Variants in MARCHF8 observed in about 807,000 individuals in gnomAD.
MARCHF8 encodes E3 ubiquitin-protein ligase MARCHF8.
MARCHF8 carries 40 observed loss-of-function variants against 51.6 expected under a neutral mutation model. That is an observed-to-expected ratio of 0.77 (90% confidence interval 0.60 to 1.01). The LOEUF (loss-of-function observed/expected upper bound fraction) is 1.01. Ranked by LOEUF, MARCHF8 falls within the 50% of genes least tolerant of loss-of-function variation. MARCHF8 has a pLI of 0.00. For missense variants in MARCHF8, 685 were observed against 708.6 expected, an observed-to-expected ratio of 0.97 and a Z score of 0.38; for synonymous variants, 263 against 280.3, an observed-to-expected ratio of 0.94 and a Z score of 0.62.
intron 7 of MARCHF8, among the ~76,000 whole-genome samples, chr10:45,458,832 A>T (rs964633374): frequency 6.6e-6 from 1 of 152,156 alleles, no homozygotes; most frequent in African/African-American, 2.4e-5. Context: ...AACTCATCCA[A>T]TGTTGCTCAG....
chr10:45,559,903 T>C (rs778490769), intron 1 of MARCHF8, among the ~76,000 whole-genome samples: 61 of 152,274 alleles, frequency 4.0e-4, no homozygotes, highest in Non-Finnish European at 7.8e-4. Flanking sequence ...ACCTTGTAAG[T>C]ATACACACTA....
intron 1 of MARCHF8, among the ~76,000 whole-genome samples, chr10:45,569,796 T>G (rs962343525): frequency 1.3e-5 from 2 of 152,210 alleles, no homozygotes; most frequent in African/African-American, 4.8e-5. Flanking sequence ...ATAATGAGGA[T>G]CAATTGTGTA....
intron 1 of MARCHF8, among the ~76,000 whole-genome samples, chr10:45,587,415 G>C (rs919903254): frequency 5.3e-5 from 8 of 152,030 alleles, no homozygotes; most frequent in African/African-American, 1.4e-4. Context: ...TAAAAAACAT[G>C]TTGCAAGAAA....
rs1480022907 is a variant in MARCHF8, at chr10:45,458,217, G to A, written c.*22C>T. 1.9e-6 allele frequency: 3 copies of A among 1,585,776 alleles called. No homozygotes were observed. In the East Asian group the frequency reaches 6.7e-5, roughly 36 times the overall value. ...CCTTCAGCTCTTCATGGATGTCCAG[G>A]AAAATGACAACCCGCACACAATCAG... On this transcript the variant is annotated 3_prime_UTR_variant, in exon 8 of 8. Coordinates refer to ENST00000453424, the MANE Select transcript of MARCHF8 (RefSeq NM_001282866.2).
intron 1 of MARCHF8, among the ~76,000 whole-genome samples, chr10:45,593,236 T>C (rs1188904497): frequency 1.3e-5 from 2 of 150,230 alleles, no homozygotes; most frequent in African/African-American, 5.0e-5. Flanking sequence ...GGTTTCCCTC[T>C]TGTAACATTA....
intron 1 of MARCHF8, among the ~76,000 whole-genome samples, chr10:45,562,506 C>T (rs748759402): frequency 1.8e-4 from 28 of 152,280 alleles, no homozygotes; most frequent in Non-Finnish European, 3.4e-4. Flanking sequence ...ATCAAGGAAA[C>T]TTGTCAACTG....
intron 3 of MARCHF8, among the ~76,000 whole-genome samples, chr10:45,476,799 G>A (rs71494787): frequency 0.062 from 9,435 of 151,812 alleles, 330 homozygotes; most frequent in Non-Finnish European, 0.067. Flanking sequence ...AAATAATCCA[G>A]TAAGACAAAA....
At chr10:45,573,769 TAATC>T (rs1724912621) in intron 1 of MARCHF8, among the ~76,000 whole-genome samples, 1 of 152,184 alleles carries the variant, frequency 6.6e-6, no homozygotes, top group African/African-American at 2.4e-5. Context: ...ATCCCCTTCT[TAATC>T]AATACAGAGG....
chr10:45,469,675 C>T (rs951354723), intron 3 of MARCHF8, among the ~76,000 whole-genome samples: 1 of 151,810 alleles, frequency 6.6e-6, no homozygotes, highest in Non-Finnish European at 1.5e-5. Flanking sequence ...ACCATCCTGG[C>T]TAACACGGTG....
intron 3 of MARCHF8, among the ~76,000 whole-genome samples, chr10:45,470,079 G>T (rs185249227): frequency 2.6e-5 from 4 of 152,248 alleles, no homozygotes; most frequent in African/African-American, 9.6e-5. Flanking sequence ...TAGAAAGAAG[G>T]TTTTCCTCTA....
intron 2 of MARCHF8, among the ~76,000 whole-genome samples, chr10:45,489,753 A>AT (rs1250382108): frequency 6.6e-6 from 1 of 152,360 alleles, no homozygotes; most frequent in African/African-American, 2.4e-5. Context: ...TCAGATGGTG[A>AT]TAAGTGTCTT....
chr10:45,532,144 T>C (rs1303139897), intron 2 of MARCHF8, among the ~76,000 whole-genome samples: 1 of 152,214 alleles, frequency 6.6e-6, no homozygotes, highest in Non-Finnish European at 1.5e-5. Flanking sequence ...ATGGTTTCTC[T>C]TTCTTCCCAA....
At chr10:45,465,888 A>C (rs1842949654) in intron 3 of MARCHF8, among the ~76,000 whole-genome samples, 1 of 152,242 alleles carries the variant, frequency 6.6e-6, no homozygotes, top group Non-Finnish European at 1.5e-5. Flanking sequence ...TAGGAATCTT[A>C]AGTTTACTTG....
At chr10:45,532,987 T>G in intron 2 of MARCHF8, 123 bp downstream of exon 2, 1 of 634,338 alleles carries the variant, frequency 1.6e-6, no homozygotes, top group Non-Finnish European at 2.4e-6. Flanking sequence ...GTACAACTAT[T>G]TGTGTGCTTG....
At chr10:45,510,165 T>C (rs2043469990) in intron 2 of MARCHF8, among the ~76,000 whole-genome samples, 1 of 152,094 alleles carries the variant, frequency 6.6e-6, no homozygotes, top group South Asian at 2.1e-4. Context: ...GAGAAGGCCA[T>C]GTCAAGACAT....
intron 1 of MARCHF8, among the ~76,000 whole-genome samples, chr10:45,547,629 G>GT (rs1425120898): frequency 6.6e-6 from 1 of 151,878 alleles, no homozygotes. Context: ...TTTGTTTTTT[G>GT]TTTTTTTAAT....
chr10:45,515,050 T>C (rs2043595721), intron 2 of MARCHF8, among the ~76,000 whole-genome samples: 1 of 152,228 alleles, frequency 6.6e-6, no homozygotes, highest in Non-Finnish European at 1.5e-5. Flanking sequence ...GGAGGAATTT[T>C]CCTGGTTTCA....
At chr10:45,490,639 A>T (rs548023877) in intron 2 of MARCHF8, among the ~76,000 whole-genome samples, 1 of 152,318 alleles carries the variant, frequency 6.6e-6, no homozygotes, top group Non-Finnish European at 1.5e-5. Flanking sequence ...AAAAAAGTGA[A>T]CACTCTAAAC....
chr10:45,557,616 CA>C (rs1484185589), intron 1 of MARCHF8, among the ~76,000 whole-genome samples: 1 of 152,150 alleles, frequency 6.6e-6, no homozygotes, highest in Non-Finnish European at 1.5e-5. Context: ...TGACTGTGAA[CA>C]GAAGACCATA....
Sources: allele counts gnomAD v4.1 joint callset (sites outside exome capture counted in the v4.1 genomes callset), GRCh38; gene constraint gnomAD v4.1.1; transcripts MANE v1.5; gene names NCBI Gene and HGNC (gene_info 2026-07-23, HGNC 2026-07-21).